The following CDH8 variants were observed in gnomAD, a reference collection of about 807,000 sequenced individuals.
CDH8 encodes the protein cadherin 8, also known as cadherin-8.
A neutral mutation model predicts 68.1 loss-of-function variants in CDH8; 17 were observed. The ratio of observed to expected loss-of-function variants is 0.25; its 90% CI spans 0.17 to 0.37. The LOEUF (loss-of-function observed/expected upper bound fraction) is 0.37. CDH8 is among the 10% of genes least tolerant of loss of function. The probability of loss-of-function intolerance (pLI) is 1.00; values close to 1 mark genes in which losing one functional copy is unlikely to be tolerated. For missense variants in CDH8, 763 were observed against 999.3 expected (o/e 0.76, Z 3.19); for synonymous variants, 372 against 365.1 (o/e 1.02, Z -0.21).
rs535964630 is a variant in CDH8, at chr16:61,683,465, A to T, written c.1655-27744T>A. The stretch of plus-strand genomic sequence containing the variant: ...CCCTAATACAGTGCCATACTTGTAG[A>T]AGTCATTGAAGCATACATTTTAATT... On this transcript the variant is annotated intron_variant, in intron 10 of 11. Coordinates refer to ENST00000577390, the MANE Select transcript of CDH8 (RefSeq NM_001796.5). Among the ~76,000 whole-genome samples, 3 of 152,124 alleles carry T rather than the reference A, an allele frequency of 2.0e-5. No individual in the cohort carries two copies. The East Asian group carries it at 5.8e-4, about 30-fold the overall frequency.
chr16:62,021,474 C>A lies in CDH8; in HGVS notation c.-71G>T. ...TTTTTTGTCTCCGGTCTGCAGCCATCCAATTCATCATGCAGTGCCGAGCAT... is the reference window on the plus strand; with the variant it reads ...TTTTTTGTCTCCGGTCTGCAGCCATACAATTCATCATGCAGTGCCGAGCAT... On this transcript the variant is annotated 5_prime_UTR_variant, in exon 2 of 12. Coordinates refer to ENST00000577390, the MANE Select transcript of CDH8 (RefSeq NM_001796.5). 2 of 1,544,520 alleles carry A rather than the reference C, an allele frequency of 1.3e-6. No homozygotes were observed. Among genetic ancestry groups the A allele is most frequent in the Non-Finnish European group, 1.7e-6 (2 of 1,147,078 alleles).
chr16:61,649,103 T>A lies in CDH8; in HGVS notation c.*4505A>T, dbSNP rs1963267078. The A allele has an allele frequency of 6.6e-6, 1 of 152,002 alleles. No homozygotes were observed. Among genetic ancestry groups the A allele is most frequent in the Non-Finnish European group, 1.5e-5 (1 of 67,946 alleles). The allele number at this position is 152,002 out of a possible 1,614,324, so 9.4% of individuals were successfully genotyped here. ...TTGAAATTGAAAAAATATAGAAAAG[T>A]ATTTCCTGCAAAGTATATTCTACAA... On this transcript the variant is annotated 3_prime_UTR_variant, in exon 12 of 12. Coordinates refer to ENST00000577390, the MANE Select transcript of CDH8 (RefSeq NM_001796.5).
chr16:61,885,799 C>A (rs960482742), intron 3 of CDH8, among the ~76,000 whole-genome samples: 2 of 151,510 alleles, frequency 1.3e-5, no homozygotes, highest in Non-Finnish European at 2.9e-5. Flanking sequence ...AAGACATGCT[C>A]GGGAAAGGAT....
At chr16:61,765,032 A>G (rs2142976824) in intron 8 of CDH8, among the ~76,000 whole-genome samples, 1 of 152,222 alleles carries the variant, frequency 6.6e-6, no homozygotes, top group South Asian at 2.1e-4. Context: ...ATGTGTAAAG[A>G]GCTGTAAACT....
chr16:61,944,977 T>C (rs1964778818), intron 2 of CDH8, among the ~76,000 whole-genome samples: 2 of 152,130 alleles, frequency 1.3e-5, no homozygotes, highest in Admixed American at 1.3e-4. Context: ...GGCCCAAATC[T>C]AAGACAGCAG....
At chr16:61,792,956 G>T (rs917608955) in intron 7 of CDH8, among the ~76,000 whole-genome samples, 1 of 151,980 alleles carries the variant, frequency 6.6e-6, no homozygotes, top group African/African-American at 2.4e-5. Context: ...TCTATGATTT[G>T]AATGTTTGTG....
intron 1 of CDH8, chr16:62,035,183 T>TA (rs1350459555): frequency 1.3e-5 from 2 of 152,266 alleles, no homozygotes; most frequent in East Asian, 3.9e-4. Flanking sequence ...ACCTCTTACG[T>TA]ACTGGCAGAA....
chr16:61,985,740 G>A (rs1052497568), intron 2 of CDH8, among the ~76,000 whole-genome samples: 24 of 152,088 alleles, frequency 1.6e-4, no homozygotes, highest in Admixed American at 1.1e-3. Flanking sequence ...TGATCTGCCC[G>A]CCTCGGCCTC....
rs1199610270 is a variant in CDH8, at chr16:61,653,791, C to A, written c.2217G>T (p.Pro739=). 1.9e-6 allele frequency: 3 copies of A among 1,614,146 alleles called. No individual in the cohort carries two copies. Among genetic ancestry groups the A allele is most frequent in the Non-Finnish European group, 2.5e-6 (3 of 1,180,024 alleles). Reference sequence around the variant, plus strand: ...CATATATCTGAATGGAGTCATATGGCGGGGCCGTGGGATCATTATCTGCCT... The same window carrying A: ...CATATATCTGAATGGAGTCATATGGAGGGGCCGTGGGATCATTATCTGCCT... ...LHEADNDPTA[P]PYDSIQIYGY... The change falls in exon 12 of 12, where the codon CCG becomes CCT. Residue 739 remains proline (P), a synonymous_variant. Coordinates refer to ENST00000577390, the MANE Select transcript of CDH8 (RefSeq NM_001796.5).
intron 10 of CDH8, among the ~76,000 whole-genome samples, chr16:61,685,820 G>A (rs895756004): frequency 6.6e-6 from 1 of 151,896 alleles, no homozygotes; most frequent in Non-Finnish European, 1.5e-5. Context: ...GAAGATGATT[G>A]TCAGGTTTTA....
At chr16:61,945,852 G>A (rs552786339) in intron 2 of CDH8, among the ~76,000 whole-genome samples, 1 of 152,150 alleles carries the variant, frequency 6.6e-6, no homozygotes, top group South Asian at 2.1e-4. Context: ...TGATTTTTTT[G>A]TTTTGTTTTG....
intron 2 of CDH8, among the ~76,000 whole-genome samples, chr16:61,974,344 C>A (rs1204488043): frequency 1.3e-5 from 2 of 152,132 alleles, no homozygotes; most frequent in African/African-American, 4.8e-5. Context: ...TGGGTACCAA[C>A]CTGTGTCAGG....
At chr16:61,661,117 C>A (rs1963548967) in intron 10 of CDH8, among the ~76,000 whole-genome samples, 1 of 151,870 alleles carries the variant, frequency 6.6e-6, no homozygotes, top group Non-Finnish European at 1.5e-5. Context: ...CATAAAATAT[C>A]TATTTTTTGA....
chr16:61,763,502 A>T (rs1457854009), intron 8 of CDH8, among the ~76,000 whole-genome samples: 1 of 152,116 alleles, frequency 6.6e-6, no homozygotes, highest in Non-Finnish European at 1.5e-5. Context: ...ATGCACACTA[A>T]CCGTAAAATA....
At chr16:61,718,094 T>G (rs1337044398) in intron 9 of CDH8, among the ~76,000 whole-genome samples, 2 of 151,410 alleles carry the variant, frequency 1.3e-5, no homozygotes, top group Non-Finnish European at 3.0e-5. Flanking sequence ...GCCCTCAATA[T>G]GCCAGGCGTC....
chr16:61,826,636 ATTC>A (rs996238083), intron 4 of CDH8, among the ~76,000 whole-genome samples: 1 of 150,272 alleles, frequency 6.7e-6, no homozygotes, highest in Non-Finnish European at 1.5e-5. Context: ...TGAAGTTGTA[ATTC>A]TTTTTTTTTT....
intron 9 of CDH8, among the ~76,000 whole-genome samples, chr16:61,722,341 T>C (rs536900435): frequency 6.6e-6 from 1 of 151,004 alleles, no homozygotes; most frequent in East Asian, 1.9e-4. Context: ...CCCTGAGTTT[T>C]CTTTGTTCTT....
At chr16:61,793,783 T>C (rs993901043) in intron 7 of CDH8, among the ~76,000 whole-genome samples, 1 of 152,062 alleles carries the variant, frequency 6.6e-6, no homozygotes, top group Non-Finnish European at 1.5e-5. Flanking sequence ...ATGGAATTGC[T>C]GGGTCAAATG....
chr16:61,759,006 C>T (rs1960393278), intron 8 of CDH8, among the ~76,000 whole-genome samples: 2 of 152,062 alleles, frequency 1.3e-5, no homozygotes, highest in Admixed American at 6.5e-5. Context: ...AAAAATGGAA[C>T]ATGAGGCATA....
Sources: gnomAD v4.1 joint callset for allele counts (sites outside exome capture counted in the v4.1 genomes callset) on GRCh38, gnomAD v4.1.1 for gene constraint, MANE v1.5 for transcripts, NCBI Gene and HGNC (gene_info 2026-07-23, HGNC 2026-07-21) for gene names.